PPP2R5E: variants seen among roughly 807,000 people sequenced by gnomAD.
PPP2R5E encodes serine/threonine-protein phosphatase 2A 56 kDa regulatory subunit epsilon isoform.
PPP2R5E carries 4 observed loss-of-function variants against 65.3 expected under a neutral mutation model. The observed-to-expected ratio is 0.06, with a 90% CI of 0.03 to 0.14. The LOEUF (loss-of-function observed/expected upper bound fraction) is 0.14. PPP2R5E is among the 10% of genes least tolerant of loss of function. The pLI, the probability that PPP2R5E is intolerant of heterozygous loss-of-function variation, is 1.00. For missense variants in PPP2R5E, 274 were observed against 556.1 expected (o/e 0.49, Z 5.10); for synonymous variants, 183 against 187.4 (o/e 0.98, Z 0.19).
intron 2 of PPP2R5E, among the ~76,000 whole-genome samples, chr14:63,459,292 T>C (rs974103858): frequency 6.6e-6 from 1 of 152,224 alleles, no homozygotes; most frequent in Admixed American, 6.5e-5. Context: ...CTATCAATTT[T>C]ACCTCTACCT....
chr14:63,521,964 C>A (rs112023009), intron 2 of PPP2R5E, among the ~76,000 whole-genome samples: 1 of 118,140 alleles, frequency 8.5e-6, no homozygotes, highest in South Asian at 2.8e-4. Context: ...TCCCCCTCCC[C>A]CTCTCCCCAC....
chr14:63,402,210 G>T (rs1265357029), intron 5 of PPP2R5E, among the ~76,000 whole-genome samples: 4 of 152,206 alleles, frequency 2.6e-5, no homozygotes, highest in African/African-American at 9.7e-5. Flanking sequence ...CCTTTTGGAA[G>T]AAACTGACAG....
intron 2 of PPP2R5E, among the ~76,000 whole-genome samples, chr14:63,457,515 A>G (rs1188807540): frequency 1.3e-5 from 2 of 152,204 alleles, no homozygotes; most frequent in Non-Finnish European, 2.9e-5. Flanking sequence ...ACTGAAGAAA[A>G]AAACAAATTA....
intron 2 of PPP2R5E, among the ~76,000 whole-genome samples, chr14:63,463,009 G>A (rs1330874617): frequency 6.6e-6 from 1 of 150,422 alleles, no homozygotes; most frequent in Non-Finnish European, 1.5e-5. Context: ...GGCTGAGGCA[G>A]GAGAATCGCT....
At chr14:63,472,053 C>T (rs1890160453) in intron 2 of PPP2R5E, among the ~76,000 whole-genome samples, 3 of 152,210 alleles carry the variant, frequency 2.0e-5, no homozygotes, top group African/African-American at 7.2e-5. Flanking sequence ...GTCATCCCAG[C>T]ACTGTTGGAG....
In PPP2R5E at chr14:63,389,630, T is replaced by C. The variant is rs564198798; in HGVS notation, c.1056A>G (p.Val352=). 2.1e-4 allele frequency: 343 copies of C among 1,610,756 alleles called. No homozygotes were observed. The highest frequency in any genetic ancestry group is 2.7e-4 in the Non-Finnish European group (316 of 1,179,410). Residue 352 remains valine (V), a synonymous_variant, in exon 11 of 14, where the codon GTA becomes GTG. Coordinates refer to ENST00000337537, the MANE Select transcript of PPP2R5E (RefSeq NM_006246.5). ...EPLFKQIAKC[V]SSPHFQVAER... Reference sequence around the variant, plus strand: ...TACTAACCTGAAAATGGGGGCTAGATACACACTTGGCGATTTGTTTAAACA... The same window carrying C: ...TACTAACCTGAAAATGGGGGCTAGACACACACTTGGCGATTTGTTTAAACA...
intron 2 of PPP2R5E, 121 bp from the exon 3 acceptor site, chr14:63,454,006 T>G: frequency 1.3e-6 from 1 of 759,994 alleles, no homozygotes; most frequent in South Asian, 2.9e-5. Flanking sequence ...ACAACAGTGT[T>G]CTTTTTCACA....
chr14:63,452,047 C>T (rs980653742), intron 3 of PPP2R5E: 1 of 151,990 alleles, frequency 6.6e-6, no homozygotes, highest in Non-Finnish European at 1.5e-5. Context: ...TTTATATGTA[C>T]TGAAATATAT....
chr14:63,423,507 C>G (rs1594857820), intron 3 of PPP2R5E, among the ~76,000 whole-genome samples: 1 of 152,204 alleles, frequency 6.6e-6, no homozygotes, highest in East Asian at 1.9e-4. Context: ...TCATCTTTCT[C>G]CTAATGACCC....
At chr14:63,537,510 A>G (rs1050127735) in intron 2 of PPP2R5E, among the ~76,000 whole-genome samples, 5 of 152,188 alleles carry the variant, frequency 3.3e-5, no homozygotes, top group African/African-American at 1.2e-4. Context: ...TAGATATATC[A>G]TCTTTACAGT....
intron 3 of PPP2R5E, among the ~76,000 whole-genome samples, chr14:63,428,341 C>T (rs1429517004): frequency 6.6e-6 from 1 of 152,184 alleles, no homozygotes; most frequent in Non-Finnish European, 1.5e-5. Flanking sequence ...GAACTCAGGA[C>T]ACTGGTGAAA....
chr14:63,389,521 G>A (rs1246733879), intron 11 of PPP2R5E, 91 bp downstream of exon 11: 2 of 1,368,248 alleles, frequency 1.5e-6, no homozygotes, highest in Non-Finnish European at 2.0e-6. Context: ...TAAACAATAG[G>A]TAGCTAGGGT....
rs1188220147 is a variant in PPP2R5E, at chr14:63,374,663, AT to A, written c.*1345del. 19 of 134,846 alleles carry A rather than the reference AT, an allele frequency of 1.4e-4. 1 individual carries two copies. The highest frequency in any genetic ancestry group is 1.9e-4 in the African/African-American group (6 of 31,852). 8.4% of individuals were successfully genotyped at this position (134,846 alleles called of 1,614,324 possible). A position where few individuals can be genotyped will look rare whatever the true frequency, so the allele number is the denominator to read the frequency against. ...TATATATATATATATATATATATAT[AT>A]ATATAAAATACAGCCCTAGATTTTG... On this transcript the variant is annotated 3_prime_UTR_variant, in exon 14 of 14. Coordinates refer to ENST00000337537, the MANE Select transcript of PPP2R5E (RefSeq NM_006246.5).
chr14:63,408,611 G>A (rs193016411), intron 5 of PPP2R5E, among the ~76,000 whole-genome samples: 139 of 151,978 alleles, frequency 9.1e-4, no homozygotes, highest in African/African-American at 2.2e-3. Flanking sequence ...AACTCTAAAC[G>A]TTTCAAGTTT....
intron 5 of PPP2R5E, among the ~76,000 whole-genome samples, chr14:63,398,851 T>C: frequency 6.6e-6 from 1 of 152,012 alleles, no homozygotes; most frequent in Non-Finnish European, 1.5e-5. Flanking sequence ...ATGGCTATAA[T>C]GAAAAAGAGG....
chr14:63,457,607 C>A (rs921068014), intron 2 of PPP2R5E, among the ~76,000 whole-genome samples: 1 of 152,124 alleles, frequency 6.6e-6, no homozygotes, highest in African/African-American at 2.4e-5. Context: ...TGGATGCTTC[C>A]GTCACCTATC....
intron 2 of PPP2R5E, among the ~76,000 whole-genome samples, chr14:63,457,684 C>T (rs766079): frequency 0.048 from 7,290 of 152,214 alleles, 218 homozygotes; most frequent in East Asian, 0.1. Flanking sequence ...CACAGAAGCA[C>T]GGCCATAAAT....
At chr14:63,519,938 G>A (rs1435583992) in intron 2 of PPP2R5E, among the ~76,000 whole-genome samples, 5 of 151,676 alleles carry the variant, frequency 3.3e-5, no homozygotes, top group African/African-American at 9.7e-5. Context: ...GGGATTACAG[G>A]TGTGAGCCAC....
At chr14:63,504,736 G>C (rs917732207) in intron 2 of PPP2R5E, among the ~76,000 whole-genome samples, 1 of 152,122 alleles carries the variant, frequency 6.6e-6, no homozygotes, top group Non-Finnish European at 1.5e-5. Context: ...CCTGTAGAAT[G>C]CAAGTGCCTT....
Sources: allele counts gnomAD v4.1 joint callset (sites outside exome capture counted in the v4.1 genomes callset), GRCh38; gene constraint gnomAD v4.1.1; transcripts MANE v1.5; gene names NCBI Gene and HGNC (gene_info 2026-07-23, HGNC 2026-07-21).